KIZ: variants seen among roughly 807,000 people sequenced by gnomAD.
The protein encoded by KIZ is kizuna centrosomal protein.
A neutral mutation model predicts 79.6 loss-of-function variants in KIZ; 68 were observed. The observed-to-expected ratio is 0.85, with a 90% CI of 0.70 to 1.05. The LOEUF (loss-of-function observed/expected upper bound fraction) is 1.05. KIZ is among the 50% of genes least tolerant of loss of function. The pLI, the probability that KIZ is intolerant of heterozygous loss-of-function variation, is 0.00. For missense variants in KIZ, 797 were observed against 800.4 expected (o/e 1.00, Z 0.05); for synonymous variants, 280 against 281.8 (o/e 0.99, Z 0.06).
chr20:21,205,877 C>T (rs1161447617), intron 7 of KIZ, among the ~76,000 whole-genome samples: 1 of 151,582 alleles, frequency 6.6e-6, no homozygotes, highest in Non-Finnish European at 1.5e-5. Context: ...AGGAGAATTG[C>T]TTGAACCCAG....
Position 21,206,516 on chromosome 20 carries a change from A to G in KIZ, c.1446+932A>G, listed in dbSNP as rs186105670. ...AAGAAATGGCTGCTATGAGCCAAAG[A>G]GCACACTGGGAAACCCAACACATGT... On this transcript the variant is annotated intron_variant, in intron 7 of 12. Coordinates refer to ENST00000619189, the MANE Select transcript of KIZ (RefSeq NM_018474.6). Among the ~76,000 whole-genome samples the G allele has an allele frequency of 7.3e-4, 111 of 152,280 alleles. 1 individual carries two copies. The East Asian group carries it at 0.011, about 16-fold the overall frequency.
intron 6 of KIZ, among the ~76,000 whole-genome samples, chr20:21,199,905 G>A (rs776017037): frequency 2.6e-5 from 4 of 152,104 alleles, no homozygotes; most frequent in Non-Finnish European, 5.9e-5. Context: ...TGCAACCTCT[G>A]CCTCCTGAGC....
chr20:21,210,794 A>T (rs1054974904), intron 7 of KIZ, among the ~76,000 whole-genome samples: 2 of 151,670 alleles, frequency 1.3e-5, no homozygotes, highest in African/African-American at 4.8e-5. Flanking sequence ...AATTTGAGAG[A>T]TGAAAATGAC....
chr20:21,237,374 C>G (rs180728737), intron 11 of KIZ, among the ~76,000 whole-genome samples: 19 of 151,990 alleles, frequency 1.3e-4, no homozygotes, highest in Non-Finnish European at 4.4e-5. Flanking sequence ...TAGGTTTTCC[C>G]TCTGTTCTTT....
chr20:21,214,610 T>C lies in KIZ; in HGVS notation c.1522T>C (p.Cys508Arg). The part of the protein sequence containing the change: ...RSAIHSSESS[C>R]SLPSILNDNS... ...AGCTATTCACAGTAGTGAATCATCT[T>C]GCAGCTTGCCATCTATTCTGAATGA... The change falls in exon 8 of 13, where the codon TGC becomes CGC. Residue 508 changes from cysteine (C) to arginine (R), a missense_variant. Physicochemically the swap from Cys to Arg is radical, Grantham distance 180 (BLOSUM62 -3). Transcript: ENST00000619189. 2 of 1,612,858 alleles carry C rather than the reference T, an allele frequency of 1.2e-6. No homozygotes were observed. The highest frequency in any genetic ancestry group is 1.7e-6 in the Non-Finnish European group (2 of 1,178,956).
chr20:21,242,678 C>T (rs939705132), intron 11 of KIZ, among the ~76,000 whole-genome samples: 1 of 152,004 alleles, frequency 6.6e-6, no homozygotes, highest in Non-Finnish European at 1.5e-5. Flanking sequence ...TTTGCTGAGA[C>T]GGGAGGAGCT....
At chr20:21,206,813 G>A (rs1204720492) in intron 7 of KIZ, among the ~76,000 whole-genome samples, 1 of 152,118 alleles carries the variant, frequency 6.6e-6, no homozygotes, top group African/African-American at 2.4e-5. Flanking sequence ...AGAGGAGGGA[G>A]GGGCCTGATT....
At chr20:21,201,853 G>A (rs1033451153) in intron 6 of KIZ, among the ~76,000 whole-genome samples, 9 of 152,182 alleles carry the variant, frequency 5.9e-5, no homozygotes, top group Admixed American at 1.3e-4. Flanking sequence ...AGCCATGGGC[G>A]AAGCTCCATT....
At chr20:21,212,205 C>T (rs186146556) in intron 7 of KIZ, among the ~76,000 whole-genome samples, 1 of 152,302 alleles carries the variant, frequency 6.6e-6, no homozygotes, top group East Asian at 1.9e-4. Flanking sequence ...GTGGAATTAT[C>T]TTAAAAGATG....
chr20:21,179,256 T>G (rs1255146623), intron 6 of KIZ, among the ~76,000 whole-genome samples: 3 of 150,500 alleles, frequency 2.0e-5, no homozygotes, highest in Non-Finnish European at 3.0e-5. Flanking sequence ...TGATTCAGTC[T>G]CCTTACTAGT....
intron 6 of KIZ, chr20:21,197,671 A>C (rs950909678): frequency 4.7e-4 from 71 of 152,218 alleles, no homozygotes; most frequent in Non-Finnish European, 1.2e-4. Context: ...CAAGTTTTTC[A>C]AACTGCCCCA....
intron 11 of KIZ, among the ~76,000 whole-genome samples, chr20:21,242,662 G>A (rs1033890637): frequency 2.0e-5 from 3 of 152,052 alleles, no homozygotes; most frequent in African/African-American, 7.2e-5. Context: ...TGGGTCAGGG[G>A]TGCCATTTGC....
intron 11 of KIZ, among the ~76,000 whole-genome samples, chr20:21,233,588 G>A (rs1246889819): frequency 6.6e-6 from 1 of 152,162 alleles, no homozygotes; most frequent in African/African-American, 2.4e-5. Context: ...CAGTAAAAAG[G>A]TGTCCTTCAG....
intron 6 of KIZ, among the ~76,000 whole-genome samples, chr20:21,170,385 C>A (rs1043778752): frequency 1.5e-4 from 22 of 151,348 alleles, no homozygotes; most frequent in Non-Finnish European, 2.9e-4. Flanking sequence ...ATACCAAATA[C>A]TAGATCTTTT....
chr20:21,158,234 T>C (rs1186666442), intron 4 of KIZ, among the ~76,000 whole-genome samples: 1 of 152,230 alleles, frequency 6.6e-6, no homozygotes, highest in African/African-American at 2.4e-5. Flanking sequence ...ACTATTCATA[T>C]TGGTGAGTCA....
intron 4 of KIZ, among the ~76,000 whole-genome samples, chr20:21,159,907 T>G (rs1383385155): frequency 6.6e-6 from 1 of 151,964 alleles, no homozygotes; most frequent in Non-Finnish European, 1.5e-5. Flanking sequence ...ATGGTAACTC[T>G]GTTTAACTTT....
intron 6 of KIZ, among the ~76,000 whole-genome samples, chr20:21,177,585 G>A (rs1025353335): frequency 1.3e-5 from 2 of 152,026 alleles, no homozygotes; most frequent in African/African-American, 4.8e-5. Context: ...TTAGTTTGAT[G>A]TAGTCCCACT....
chr20:21,188,688 A>ATTTTATTTTAT (rs2034991924), intron 6 of KIZ, among the ~76,000 whole-genome samples: 1 of 144,628 alleles, frequency 6.9e-6, no homozygotes, highest in African/African-American at 2.7e-5. Context: ...TTATTTATTT[A>ATTTTATTTTAT]TTTATTTATT....
chr20:21,157,756 T>C (rs1033448230), intron 4 of KIZ, among the ~76,000 whole-genome samples: 1 of 152,188 alleles, frequency 6.6e-6, no homozygotes, highest in South Asian at 2.1e-4. Flanking sequence ...CTTTCTCATA[T>C]CTGAAATGTG....
Sources: allele counts gnomAD v4.1 joint callset (sites outside exome capture counted in the v4.1 genomes callset), GRCh38; gene constraint gnomAD v4.1.1; transcripts MANE v1.5; gene names NCBI Gene and HGNC (gene_info 2026-07-23, HGNC 2026-07-21).